Variants in LSM11 observed in about 807,000 individuals in gnomAD.
LSM11 encodes LSM11, U7 small nuclear RNA associated, also known as U7 snRNA-associated Sm-like protein LSm11.
A neutral mutation model predicts 28.1 loss-of-function variants in LSM11; 14 were observed. That is an observed-to-expected ratio of 0.50 (90% CI 0.33 to 0.78). The LOEUF is 0.78. Among genes scored for constraint, LSM11 ranks in the 30% least tolerant of loss-of-function variants. The pLI, the probability that LSM11 is intolerant of heterozygous loss-of-function variation, is 0.02. For synonymous variants in LSM11, 207 were observed against 214.2 expected, an observed-to-expected ratio of 0.97 and a Z score of 0.30; for missense variants, 495 against 510.6, an observed-to-expected ratio of 0.97 and a Z score of 0.30.
intron 1 of LSM11, among the ~76,000 whole-genome samples, chr5:157,748,604 G>A (rs1761179436): frequency 6.6e-6 from 1 of 152,170 alleles, no homozygotes; most frequent in Non-Finnish European, 1.5e-5. Context: ...ATGGCACGGG[G>A]ATCCACCATC....
In LSM11 at chr5:157,759,500, G is replaced by T. The variant is rs759757873; in HGVS notation, c.*4236G>T. ...TAGGAAAAAATTAAAACTATTCAAT[G>T]ACAGCTAGCTGTCACTGGTGCTACC... On this transcript the variant is annotated 3_prime_UTR_variant, in exon 4 of 4. Coordinates refer to ENST00000286307, the MANE Select transcript of LSM11 (RefSeq NM_173491.4). 6.6e-6 allele frequency: 1 copy of T among 152,102 alleles called. No homozygotes were observed. The highest frequency in any genetic ancestry group is 1.5e-5 in the Non-Finnish European group (1 of 68,024). The allele number at this position is 152,102 out of a possible 1,614,324, so 9.4% of individuals were successfully genotyped here.
chr5:157,752,887 G>T (rs1761260906), intron 2 of LSM11, among the ~76,000 whole-genome samples: 1 of 150,264 alleles, frequency 6.7e-6, no homozygotes, highest in Non-Finnish European at 1.5e-5. Context: ...GCTTTCTGGT[G>T]TTTCTTTTCC....
rs1269671828 is a variant in LSM11, at chr5:157,744,138, G to C, written c.388G>C (p.Gly130Arg). 9 of 1,458,908 alleles carry C rather than the reference G, an allele frequency of 6.2e-6. No homozygotes were observed. Among genetic ancestry groups the C allele is most frequent in the Non-Finnish European group, 7.2e-6 (8 of 1,107,716 alleles). The allele number at this position is 1,458,908 out of a possible 1,614,324, so 90.4% of individuals were successfully genotyped here. ...GGAAGGGGACGGGGCCGCAGGAGCG[G>C]GCCGGAGGGGTCCGGGTCGGAGCAG... ...KEEGDGAAGA[G>R]RRGPGRSRKA... Residue 130 changes from glycine to arginine, a missense_variant, in exon 1 of 4, where the codon GGC becomes CGC. By Grantham distance (125) the Gly-to-Arg change is moderately radical. Coordinates refer to ENST00000286307, the MANE Select transcript of LSM11 (RefSeq NM_173491.4).
rs377353443 is a variant in LSM11, at chr5:157,746,454, A to T, written c.448+2256A>T. 3.6e-4 allele frequency among the ~76,000 whole-genome samples: 55 copies of T among 152,368 alleles called. 1 individual carries two copies. The highest frequency in any genetic ancestry group is 6.2e-4 in the South Asian group (3 of 4,834). ...AATTCAGATCCAAGTTACCCATCCA[A>T]ATTCACAGAGAGGACAGTGTGGAAT... On this transcript the variant is annotated intron_variant, in intron 1 of 3. Transcript: ENST00000286307.
rs750451781 is a variant in LSM11, at chr5:157,744,209, G to C, written c.448+11G>C. Reference sequence around the variant, plus strand: ...TCACGCGAATGCCCTGTGAGTCCGCGGGCCGGGCGGGAAGCGGGGCAGCCG... The same window carrying C: ...TCACGCGAATGCCCTGTGAGTCCGCCGGCCGGGCGGGAAGCGGGGCAGCCG... On this transcript the variant is annotated intron_variant, in intron 1 of 3. Transcript: ENST00000286307. 2 of 1,262,242 alleles carry C rather than the reference G, an allele frequency of 1.6e-6. No individual in the cohort carries two copies. The highest frequency in any genetic ancestry group is 2.0e-6 in the Non-Finnish European group (2 of 1,003,660). The allele number at this position is 1,262,242 out of a possible 1,614,324, so 78.2% of individuals were successfully genotyped here. A position where few individuals can be genotyped will look rare whatever the true frequency, so the allele number is the denominator to read the frequency against.
At chr5:157,744,226 G>T in intron 1 of LSM11, 28 bp downstream of exon 1, 1 of 1,249,428 alleles carries the variant, frequency 8.0e-7, no homozygotes, top group Non-Finnish European at 1.0e-6. Flanking sequence ...GCGGGAAGCG[G>T]GGCAGCCGCC....
chr5:157,749,588 G>GCACACA (rs200970813), intron 1 of LSM11, among the ~76,000 whole-genome samples: 17 of 142,284 alleles, frequency 1.2e-4, no homozygotes, highest in African/African-American at 3.2e-4. Flanking sequence ...GCGCACGCGC[G>GCACACA]CACACACACA....
chr5:157,754,102 C>T lies in LSM11; in HGVS notation c.672+15C>T. 1 of 1,510,836 alleles carries T rather than the reference C, an allele frequency of 6.6e-7. No individual in the cohort carries two copies. The highest frequency in any genetic ancestry group is 8.9e-7 in the Non-Finnish European group (1 of 1,121,900). The allele number at this position is 1,510,836 out of a possible 1,614,324, so 93.6% of individuals were successfully genotyped here. A position where few individuals can be genotyped will look rare whatever the true frequency, so the allele number is the denominator to read the frequency against. On this transcript the variant is annotated intron_variant, in intron 3 of 3. Coordinates refer to ENST00000286307, the MANE Select transcript of LSM11 (RefSeq NM_173491.4). Reference sequence around the variant, plus strand: ...CTCTCACTAGGGTAGGCAGTTTTCCCCTGACCTCCTGAGTAGCCATCATGC... The same window carrying T: ...CTCTCACTAGGGTAGGCAGTTTTCCTCTGACCTCCTGAGTAGCCATCATGC...
At chr5:157,746,319 G>T (rs1191185694) in intron 1 of LSM11, among the ~76,000 whole-genome samples, 1 of 152,158 alleles carries the variant, frequency 6.6e-6, no homozygotes, top group East Asian at 1.9e-4. Context: ...AGTTCCATCA[G>T]GCTGTAACAG....
At chr5:157,750,735 G>T (rs1313283732) in intron 1 of LSM11, among the ~76,000 whole-genome samples, 8 of 152,182 alleles carry the variant, frequency 5.3e-5, no homozygotes, top group Admixed American at 5.2e-4. Context: ...GCACAGAATT[G>T]AGAAGGATCT....
In LSM11 at chr5:157,750,122, G is replaced by A. The variant is rs143612085; in HGVS notation, c.449-1268G>A. 1.7e-3 allele frequency among the ~76,000 whole-genome samples: 262 copies of A among 152,286 alleles called. 1 individual carries two copies. The highest frequency in any genetic ancestry group is 5.7e-3 in the African/African-American group (238 of 41,546). ...GAGAGAGATTGGGGGTGCGTAGTGCGTGCCTGTAGTCCCAGCTACTCAGTG... is the reference window on the plus strand; with the variant it reads ...GAGAGAGATTGGGGGTGCGTAGTGCATGCCTGTAGTCCCAGCTACTCAGTG... On this transcript the variant is annotated intron_variant, in intron 1 of 3. Transcript: ENST00000286307.
intron 1 of LSM11, among the ~76,000 whole-genome samples, chr5:157,748,366 A>C (rs1330587256): frequency 6.6e-6 from 1 of 151,520 alleles, no homozygotes; most frequent in Non-Finnish European, 1.5e-5. Flanking sequence ...GGCTAAAGCA[A>C]CTCCATCTTG....
intron 2 of LSM11, among the ~76,000 whole-genome samples, 178 bp from the exon 3 acceptor site, chr5:157,753,826 T>C (rs1761279184): frequency 1.3e-5 from 2 of 152,132 alleles, no homozygotes; most frequent in South Asian, 4.1e-4. Flanking sequence ...AGCTTAAAAA[T>C]ATTACACAGA....
In LSM11 at chr5:157,760,569, T is replaced by A. The variant is rs1377946920; in HGVS notation, c.*5305T>A. 6.6e-6 allele frequency: 1 copy of A among 152,242 alleles called. No individual in the cohort carries two copies. Among genetic ancestry groups the A allele is most frequent in the Non-Finnish European group, 1.5e-5 (1 of 68,054 alleles). The allele number at this position is 152,242 out of a possible 1,614,324, so 9.4% of individuals were successfully genotyped here. A position where few individuals can be genotyped will look rare whatever the true frequency, so the allele number is the denominator to read the frequency against. Reference sequence around the variant, plus strand: ...AAAAACCATGACTTGTAAGTTTGTCTTTACTCCTAATTGCTAAATTAACTG... The same window carrying A: ...AAAAACCATGACTTGTAAGTTTGTCATTACTCCTAATTGCTAAATTAACTG... On this transcript the variant is annotated 3_prime_UTR_variant, in exon 4 of 4. Transcript: ENST00000286307.
At chr5:157,753,972 C>T in intron 2 of LSM11, 32 bp from the exon 3 acceptor site, 7 of 1,385,990 alleles carry the variant, frequency 5.1e-6, no homozygotes, top group South Asian at 1.5e-5. Flanking sequence ...TTAATTCTGT[C>T]TAATGTTTTT....
chr5:157,754,741 C>A, intron 3 of LSM11, 113 bp from the exon 4 acceptor site: 26 of 713,532 alleles, frequency 3.6e-5, no homozygotes, highest in South Asian at 1.1e-4. Flanking sequence ...TAAAAAATTG[C>A]AAAGCAAGGA....
Position 157,759,605 on chromosome 5 carries a change from C to CG in LSM11, c.*4342dup. 6.6e-6 allele frequency: 1 copy of CG among 152,254 alleles called. No homozygotes were observed. The highest frequency in any genetic ancestry group is 1.9e-4 in the East Asian group (1 of 5,190). The allele number at this position is 152,254 out of a possible 1,614,324, so 9.4% of individuals were successfully genotyped here. On this transcript the variant is annotated 3_prime_UTR_variant, in exon 4 of 4. Transcript: ENST00000286307. ...AAAGTCAAGGTTCATGTAAGAGTAT[C>CG]GTGGTGTAAATATAATGGTTTCACA...
intron 1 of LSM11, among the ~76,000 whole-genome samples, chr5:157,744,591 G>C (rs1322945442): frequency 2.0e-5 from 3 of 152,112 alleles, no homozygotes; most frequent in South Asian, 4.1e-4. Flanking sequence ...ACAGAGTTTG[G>C]GGGACATCAT....
intron 2 of LSM11, among the ~76,000 whole-genome samples, chr5:157,751,783 C>T (rs1262012495): frequency 6.6e-6 from 1 of 152,120 alleles, no homozygotes; most frequent in Non-Finnish European, 1.5e-5. Context: ...TGTCTGGGGA[C>T]ATTTTATTGT....
Sources: allele counts gnomAD v4.1 joint callset (sites outside exome capture counted in the v4.1 genomes callset), GRCh38; gene constraint gnomAD v4.1.1; transcripts MANE v1.5; gene names NCBI Gene and HGNC (gene_info 2026-07-23, HGNC 2026-07-21).